The following ZNF385C variants were observed in gnomAD, a reference collection of about 807,000 sequenced individuals.
The protein encoded by ZNF385C is CTD-2132N18.2.
A neutral mutation model predicts 35.4 loss-of-function variants in ZNF385C; 28 were observed. The observed-to-expected ratio is 0.79, with a 90% confidence interval of 0.59 to 1.08. The LOEUF is 1.08. Ranked by LOEUF, ZNF385C falls within the 50% of genes least tolerant of loss-of-function variation. The pLI, the probability that ZNF385C is intolerant of heterozygous loss-of-function variation, is 0.00. For missense variants in ZNF385C, 605 were observed against 595.6 expected, an observed-to-expected ratio of 1.02 and a Z score of -0.16; for synonymous variants, 248 against 248.2, an observed-to-expected ratio of 1.00 and a Z score of 0.01.
intron 2 of ZNF385C, chr17:42,038,373 G>A (rs2052916199): frequency 5.6e-6 from 2 of 359,466 alleles, no homozygotes; most frequent in Non-Finnish European, 1.0e-5. Context: ...GCTGACAGGA[G>A]GGAATGGGAA....
chr17:42,043,682 T>C, intron 2 of ZNF385C: 1 of 257,306 alleles, frequency 3.9e-6, no homozygotes, highest in Non-Finnish European at 7.3e-6. Flanking sequence ...GTGGAGGGAC[T>C]CACTGGGGCA....
In ZNF385C at chr17:42,040,949, A is replaced by G. The variant is rs986605307; in HGVS notation, c.251-3064T>C. The G allele has an allele frequency of 2.4e-6, 3 of 1,232,240 alleles. No individual in the cohort carries two copies. In the South Asian group the frequency reaches 1.2e-4, roughly 51 times the overall value. The allele number at this position is 1,232,240 out of a possible 1,614,324, so 76.3% of individuals were successfully genotyped here. ...CTGAGCCAGGCCAGCTTGGGTGCAG[A>G]TACGCCGAAAGCCTGCAGGATGTCC... On this transcript the variant is annotated intron_variant, in intron 2 of 8. Transcript: ENST00000692273.
At chr17:42,071,259 T>C (rs1254978665) in intron 1 of ZNF385C, among the ~76,000 whole-genome samples, 1 of 152,192 alleles carries the variant, frequency 6.6e-6, no homozygotes, top group Non-Finnish European at 1.5e-5. Flanking sequence ...CCCTGGGGCC[T>C]TCTGGGTGCT....
chr17:42,092,944 C>T (rs1315332964), intron 1 of ZNF385C, among the ~76,000 whole-genome samples: 1 of 150,960 alleles, frequency 6.6e-6, no homozygotes, highest in East Asian at 2.0e-4. Context: ...GAAGGCTGGA[C>T]AGGGCAGGGG....
chr17:42,093,731 T>A (rs1223276300), intron 1 of ZNF385C, among the ~76,000 whole-genome samples: 6 of 151,816 alleles, frequency 4.0e-5, no homozygotes, highest in Admixed American at 3.3e-4. Context: ...AAGGTACCCA[T>A]CACCAAGCCC....
At chr17:42,067,155 C>G (rs2143877990) in intron 1 of ZNF385C, among the ~76,000 whole-genome samples, 1 of 152,216 alleles carries the variant, frequency 6.6e-6, no homozygotes, top group African/African-American at 2.4e-5. Flanking sequence ...ACTGTAACCT[C>G]AAACACTTGG....
intron 2 of ZNF385C, among the ~76,000 whole-genome samples, chr17:42,046,114 C>T (rs549260799): frequency 6.6e-6 from 1 of 152,210 alleles, no homozygotes; most frequent in Non-Finnish European, 1.5e-5. Flanking sequence ...GGTAGCCATC[C>T]TCTAGTTCCC....
intron 2 of ZNF385C, chr17:42,039,965 G>T (rs1555655926): frequency 8.1e-7 from 1 of 1,231,122 alleles, no homozygotes; most frequent in Non-Finnish European, 1.0e-6. Context: ...AGCTCGTGCA[G>T]CTCCGAGTGC....
intron 3 of ZNF385C, among the ~76,000 whole-genome samples, chr17:42,036,418 C>T (rs1555655478): frequency 1.3e-5 from 2 of 150,908 alleles, no homozygotes; most frequent in Admixed American, 6.6e-5. Context: ...CCAGGCTGGG[C>T]GTGGTGGCTC....
intron 2 of ZNF385C, among the ~76,000 whole-genome samples, chr17:42,058,197 C>G (rs2053409681): frequency 6.6e-6 from 1 of 152,146 alleles, no homozygotes; most frequent in Non-Finnish European, 1.5e-5. Context: ...GAACCACCCC[C>G]CAGTCTCCCT....
chr17:42,036,067 A>C (rs2052850437), intron 3 of ZNF385C, among the ~76,000 whole-genome samples: 1 of 151,814 alleles, frequency 6.6e-6, no homozygotes, highest in South Asian at 2.1e-4. Flanking sequence ...CGGAGCCAAA[A>C]TCTTGCAACC....
intron 2 of ZNF385C, 54 bp downstream of exon 2, chr17:42,062,753 A>G (rs1209119940): frequency 1.2e-5 from 6 of 502,968 alleles, no homozygotes; most frequent in Non-Finnish European, 2.1e-5. Context: ...AGGGGCCCAG[A>G]CAGAGATACT....
intron 5 of ZNF385C, among the ~76,000 whole-genome samples, chr17:42,031,160 T>A (rs1199621057): frequency 6.6e-6 from 1 of 152,090 alleles, no homozygotes; most frequent in African/African-American, 2.4e-5. Flanking sequence ...TGCTTCAGCC[T>A]CCTGAGTAGC....
intron 1 of ZNF385C, among the ~76,000 whole-genome samples, chr17:42,085,976 G>A (rs1049719517): frequency 1.3e-5 from 2 of 152,228 alleles, no homozygotes; most frequent in Non-Finnish European, 1.5e-5. Flanking sequence ...GTTGAGGTGG[G>A]AGGATTGCTT....
chr17:42,061,247 G>T (rs1404060886), intron 2 of ZNF385C: 3 of 100,752 alleles, frequency 3.0e-5, no homozygotes, highest in South Asian at 3.5e-4. Context: ...TTGAGACAGG[G>T]TCTCACTCTG....
At chr17:42,063,389 A>G (rs568332053) in intron 1 of ZNF385C, among the ~76,000 whole-genome samples, 2 of 152,252 alleles carry the variant, frequency 1.3e-5, no homozygotes, top group East Asian at 3.9e-4. Context: ...TTTGCTGGGC[A>G]TGGTGGCGCA....
intron 1 of ZNF385C, among the ~76,000 whole-genome samples, chr17:42,090,403 C>T (rs868968254): frequency 6.7e-6 from 1 of 149,726 alleles, no homozygotes; most frequent in Non-Finnish European, 1.5e-5. Context: ...TCTCCTGCTT[C>T]AGCCTCCCGA....
intron 5 of ZNF385C, 79 bp downstream of exon 5, chr17:42,031,540 T>A: frequency 1.4e-6 from 2 of 1,475,868 alleles, no homozygotes; most frequent in South Asian, 1.3e-5. Context: ...GCAAAAAGAA[T>A]AAGCAGAAAT....
At chr17:42,041,780 A>G (rs1440923009) in intron 2 of ZNF385C, among the ~76,000 whole-genome samples, 1 of 152,042 alleles carries the variant, frequency 6.6e-6, no homozygotes, top group Non-Finnish European at 1.5e-5. Context: ...CCCCACCTCC[A>G]ACCCAGCCCA....
Sources: allele counts gnomAD v4.1 joint callset (sites outside exome capture counted in the v4.1 genomes callset), GRCh38; gene constraint gnomAD v4.1.1; transcripts MANE v1.5; gene names NCBI Gene and HGNC (gene_info 2026-07-23, HGNC 2026-07-21).